The following SPATA7 variants were observed in gnomAD, a reference collection of about 807,000 sequenced individuals.
SPATA7 encodes the protein spermatogenesis associated 7.
In SPATA7, 43 loss-of-function variants were observed where a neutral mutation model predicts 51.8. The observed-to-expected ratio is 0.83, with a 90% CI of 0.65 to 1.07. The LOEUF is 1.07. SPATA7 is among the 50% of genes least tolerant of loss of function. The pLI is 0.00. For synonymous variants in SPATA7, 230 were observed against 252.8 expected (o/e 0.91, Z 0.86); for missense variants, 683 against 701.3 (o/e 0.97, Z 0.30).
At chr14:88,458,534 G>C (rs1374149487), downstream of SPATA7, among the ~76,000 whole-genome samples, 1 of 152,138 alleles carries the variant, frequency 6.6e-6, no homozygotes, top group Non-Finnish European at 1.5e-5. Context: ...AGTATTCTCT[G>C]ATGGTAGCTT....
chr14:88,421,838 A>G (rs2076652448), intron 5 of SPATA7, among the ~76,000 whole-genome samples: 1 of 151,782 alleles, frequency 6.6e-6, no homozygotes. Context: ...ACTCCTAGCT[A>G]CTCAGGAGGC....
intron 3 of SPATA7, among the ~76,000 whole-genome samples, chr14:88,454,194 T>C (rs535796024): frequency 1.3e-5 from 2 of 152,330 alleles, no homozygotes; most frequent in Non-Finnish European, 1.5e-5. Flanking sequence ...TCTTGGAGGC[T>C]GTAGGGGAGA....
chr14:88,397,438 T>C (rs2075917916), intron 4 of SPATA7, among the ~76,000 whole-genome samples: 1 of 152,062 alleles, frequency 6.6e-6, no homozygotes, highest in African/African-American at 2.4e-5. Context: ...AGCCCAGGCA[T>C]TTAAGAGTAG....
rs2077433092 is a variant in SPATA7, at chr14:88,469,897, T to C, written c.*30T>C. 6.2e-7 allele frequency: 1 copy of C among 1,613,338 alleles called. No individual in the cohort carries two copies. Among genetic ancestry groups the C allele is most frequent in the Non-Finnish European group, 8.5e-7 (1 of 1,179,616 alleles). On this transcript the variant is annotated 3_prime_UTR_variant, in exon 5 of 5. Coordinates refer to the SPATA7 transcript ENST00000556406. The surrounding 1 kb of genome is among the most constrained non-coding windows in gnomAD (Gnocchi z 4.3). Reference sequence around the variant, plus strand: ...AACTGTTCTTCAGAGGCTGAGAAAATCACTTAAGAGAAATAAGTACCTACC... The same window carrying C: ...AACTGTTCTTCAGAGGCTGAGAAAACCACTTAAGAGAAATAAGTACCTACC...
intron 4 of SPATA7, among the ~76,000 whole-genome samples, chr14:88,409,433 G>A (rs2076281375): frequency 6.6e-6 from 1 of 152,042 alleles, no homozygotes; most frequent in Non-Finnish European, 1.5e-5. Flanking sequence ...GGGATCAGTG[G>A]TGATATCCCC....
chr14:88,415,602 G>C (rs1177072471), intron 4 of SPATA7, among the ~76,000 whole-genome samples: 1 of 151,816 alleles, frequency 6.6e-6, no homozygotes, highest in Non-Finnish European at 1.5e-5. Flanking sequence ...TTACATTCAA[G>C]GTTAATATTG....
Position 88,396,173 on chromosome 14 carries a change from G to T in SPATA7, c.208G>T (p.Val70Phe). The change falls in exon 4 of 12, where the codon GTT (valine) becomes TTT (phenylalanine). Residue 70 changes from valine to phenylalanine, a missense_variant. By Grantham distance (50) the Val-to-Phe change is conservative. Coordinates refer to ENST00000393545, the MANE Select transcript of SPATA7 (RefSeq NM_018418.5). ...TCTTTCAGCTGCAGTAGACTGCTCG[G>T]TTCCAGTAAGCGTGAGTACCAGCAT... ...LSAKAAVDCS[V>F]PVSVSTSIKY... The T allele has an allele frequency of 6.2e-7, 1 of 1,610,554 alleles. No homozygotes were observed. Among genetic ancestry groups the T allele is most frequent in the Middle Eastern group, 1.9e-4 (1 of 5,132 alleles).
At chr14:88,468,024 C>T in intron 4 of SPATA7, 1 of 1,336,416 alleles carries the variant, frequency 7.5e-7, no homozygotes, top group Non-Finnish European at 1.1e-6. Context: ...ACTTACGTCC[C>T]AGTGCCACGC....
chr14:88,393,690 A>C, intron 3 of SPATA7: 1 of 440,530 alleles, frequency 2.3e-6, no homozygotes, highest in South Asian at 4.1e-5. Flanking sequence ...TGAAATCTAT[A>C]TATTGCCTAT....
intron 3 of SPATA7, among the ~76,000 whole-genome samples, chr14:88,448,703 A>G (rs2077231068): frequency 6.6e-6 from 1 of 152,174 alleles, no homozygotes; most frequent in Non-Finnish European, 1.5e-5. Flanking sequence ...TCCTTCTAAC[A>G]GTCAGGACCC....
In SPATA7 at chr14:88,393,383, TA is replaced by T. The variant is rs764263386; in HGVS notation, c.95-8del. The T allele has an allele frequency of 5.8e-6, 9 of 1,549,570 alleles. No individual in the cohort carries two copies. In the East Asian group the frequency reaches 2.1e-4, roughly 37 times the overall value. ...TTTTAAATATATAATGATTATGTTT[TA>T]ATTTTTAGCTTTTTGCACTGACTCC... On this transcript the variant is annotated splice_polypyrimidine_tract_variant and intron_variant, in intron 2 of 11. Transcript: ENST00000393545.
intron 5 of SPATA7, among the ~76,000 whole-genome samples, chr14:88,420,525 C>T (rs73323527): frequency 0.035 from 5,376 of 152,220 alleles, 312 homozygotes; most frequent in African/African-American, 0.12. Context: ...CCATCTCTAT[C>T]TCTCAGCTGA....
chr14:88,426,392 C>G lies in SPATA7; in HGVS notation c.533C>G (p.Ser178Cys). The change falls in exon 6 of 12, where the codon TCC becomes TGC. Residue 178 changes from serine (S) to cysteine (C), a missense_variant. Physicochemically the swap from Ser to Cys is moderately radical, Grantham distance 112. Transcript: ENST00000393545. Reference sequence around the variant, plus strand: ...AATGGTCCTGAGAAGAACTCCAGTTCCTCCCCGTCCAGTGTGGATTATGCA... The same window carrying G: ...AATGGTCCTGAGAAGAACTCCAGTTGCTCCCCGTCCAGTGTGGATTATGCA... Reference protein sequence around the residue: ...ITNGPEKNSSSSPSSVDYAAS... With the variant: ...ITNGPEKNSSCSPSSVDYAAS... 6.2e-7 allele frequency: 1 copy of G among 1,614,198 alleles called. No homozygotes were observed. The highest frequency in any genetic ancestry group is 8.5e-7 in the Non-Finnish European group (1 of 1,180,030).
rs549351014 is a variant in SPATA7 at position 88,461,871 on chromosome 14, A to T, written c.255-7976A>T. On this transcript the variant is annotated intron_variant, in intron 4 of 4. Transcript: ENST00000556406. ...GAACCGCAAACAGTATGTTTTTCTT[A>T]CATTTTTTCCTTTACCTTTTTGTTT... 6.7e-4 allele frequency among the ~76,000 whole-genome samples: 102 copies of T among 152,236 alleles called. 1 individual carries two copies. Among genetic ancestry groups the T allele is most frequent in the African/African-American group, 2.4e-3 (99 of 41,552 alleles).
At chr14:88,448,678 T>C (rs2140046080) in intron 3 of SPATA7, among the ~76,000 whole-genome samples, 1 of 152,340 alleles carries the variant, frequency 6.6e-6, no homozygotes, top group South Asian at 2.1e-4. Context: ...GGATGTCTTT[T>C]CTGTTTGTTA....
At chr14:88,445,974 T>C (rs879888566) in intron 3 of SPATA7, among the ~76,000 whole-genome samples, 4 of 152,240 alleles carry the variant, frequency 2.6e-5, no homozygotes, top group Non-Finnish European at 5.9e-5. Context: ...CTGTCCGGCT[T>C]TGGTATCAGG....
intron 4 of SPATA7, among the ~76,000 whole-genome samples, chr14:88,403,748 A>C (rs1488339765): frequency 1.3e-5 from 2 of 152,206 alleles, no homozygotes; most frequent in Non-Finnish European, 2.9e-5. Flanking sequence ...GGCTACAGGA[A>C]GGAGGAAATG....
intron 6 of SPATA7, among the ~76,000 whole-genome samples, chr14:88,427,385 G>A (rs2076823777): frequency 6.6e-6 from 1 of 152,112 alleles, no homozygotes; most frequent in African/African-American, 2.4e-5. Context: ...GTAGGTTTTA[G>A]TTGTTTTAGA....
chr14:88,398,535 C>T (rs1432887744), intron 4 of SPATA7, among the ~76,000 whole-genome samples: 1 of 148,864 alleles, frequency 6.7e-6, no homozygotes, highest in South Asian at 2.1e-4. Context: ...TGCTAGATGA[C>T]GAGTTAGTGG....
Sources: allele counts gnomAD v4.1 joint callset (sites outside exome capture counted in the v4.1 genomes callset), GRCh38; gene constraint gnomAD v4.1.1; non-coding constraint Gnocchi (gnomAD v3.1); transcripts MANE v1.5; gene names NCBI Gene and HGNC (gene_info 2026-07-23, HGNC 2026-07-21).